Variants in LARGE1 observed in about 807,000 individuals in gnomAD.
LARGE1 encodes the protein LARGE xylosyl- and glucuronyltransferase 1, also known as xylosyl- and glucuronyltransferase LARGE1.
A neutral mutation model predicts 87.6 loss-of-function variants in LARGE1; 43 were observed. That is an observed-to-expected ratio of 0.49 (90% confidence interval 0.38 to 0.63). The LOEUF (loss-of-function observed/expected upper bound fraction) is 0.63, where lower values mean the gene tolerates loss of function less well. Among genes scored for constraint, LARGE1 ranks in the 30% least tolerant of loss-of-function variants. LARGE1 has a pLI of 0.00. For missense variants in LARGE1, 802 were observed against 1,000.2 expected (o/e 0.80, Z 2.67); for synonymous variants, 434 against 394.6 (o/e 1.10, Z -1.18).
chr22:33,566,572 T>A (rs781358092), intron 5 of LARGE1, among the ~76,000 whole-genome samples: 2 of 151,902 alleles, frequency 1.3e-5, no homozygotes, highest in Non-Finnish European at 2.9e-5. Context: ...ACCCAAAGAG[T>A]GAGCAGCAGC....
intron 6 of LARGE1, among the ~76,000 whole-genome samples, chr22:33,467,883 A>T (rs2068680123): frequency 6.6e-6 from 1 of 152,222 alleles, no homozygotes; most frequent in South Asian, 2.1e-4. Context: ...GGAAATTGGC[A>T]GAGCTCAGTC....
chr22:33,337,298 A>G (rs375993818), intron 10 of LARGE1, among the ~76,000 whole-genome samples: 2 of 152,164 alleles, frequency 1.3e-5, no homozygotes, highest in East Asian at 3.9e-4. Context: ...AGGGTCTCCC[A>G]TGTGGGTATC....
intron 6 of LARGE1, among the ~76,000 whole-genome samples, chr22:33,441,562 T>G (rs1646920167): frequency 6.6e-6 from 1 of 152,160 alleles, no homozygotes; most frequent in Non-Finnish European, 1.5e-5. Flanking sequence ...CAAGCTATCC[T>G]CCTGCCCCAG....
At chr22:33,514,251 GCTTT>G (rs946184683) in intron 6 of LARGE1, among the ~76,000 whole-genome samples, 13 of 149,548 alleles carry the variant, frequency 8.7e-5, no homozygotes, top group African/African-American at 3.0e-4. Flanking sequence ...ATCTCACATA[GCTTT>G]CTTTCAGTCG....
At chr22:33,423,390 A>G (rs2066763355) in intron 7 of LARGE1, among the ~76,000 whole-genome samples, 1 of 152,070 alleles carries the variant, frequency 6.6e-6, no homozygotes, top group Admixed American at 6.5e-5. Context: ...AAAAATTATA[A>G]TTATGGCTGG....
intron 9 of LARGE1, among the ~76,000 whole-genome samples, chr22:33,357,986 T>A (rs940316294): frequency 2.0e-5 from 3 of 151,720 alleles, no homozygotes; most frequent in African/African-American, 7.3e-5. Context: ...GTTAAAGAAC[T>A]CAGTGACAGC....
intron 9 of LARGE1, among the ~76,000 whole-genome samples, chr22:33,356,601 T>C (rs992904860): frequency 6.6e-6 from 1 of 152,002 alleles, no homozygotes. Flanking sequence ...GTAAGACCCA[T>C]CTCTACTAAA....
At chr22:33,455,669 G>T (rs944468311) in intron 6 of LARGE1, among the ~76,000 whole-genome samples, 5 of 148,008 alleles carry the variant, frequency 3.4e-5, no homozygotes, top group Non-Finnish European at 7.4e-5. Flanking sequence ...CAGGAGAATC[G>T]CTTGAACCCA....
At chr22:33,665,748 C>T (rs565646268) in intron 2 of LARGE1, among the ~76,000 whole-genome samples, 3 of 152,032 alleles carry the variant, frequency 2.0e-5, no homozygotes, top group South Asian at 4.2e-4. Context: ...AAAACTTAGC[C>T]GGGCATGGTG....
the LARGE1 span, among the ~76,000 whole-genome samples, chr22:33,136,890 G>A: frequency 6.6e-6 from 1 of 151,582 alleles, no homozygotes; most frequent in Non-Finnish European, 1.5e-5. Flanking sequence ...CTCTGTTAGG[G>A]GAGGAGAAAA....
chr22:33,512,361 T>C (rs541521844), intron 6 of LARGE1, among the ~76,000 whole-genome samples: 6 of 152,316 alleles, frequency 3.9e-5, no homozygotes, highest in African/African-American at 1.4e-4. Flanking sequence ...GATTTATCAC[T>C]AGATGGAACA....
intron 6 of LARGE1, among the ~76,000 whole-genome samples, chr22:33,546,588 T>C (rs4821162): frequency 0.3 from 45,160 of 152,018 alleles, 8,308 homozygotes; most frequent in Non-Finnish European, 0.39. Context: ...TTTTTTTAAA[T>C]TTTTTATTTT....
chr22:33,719,091 A>AACAAAAAAGTTGTTGT (rs1214210625), intron 2 of LARGE1, among the ~76,000 whole-genome samples: 1 of 152,218 alleles, frequency 6.6e-6, no homozygotes, highest in African/African-American at 2.4e-5. Context: ...ACCCGGCTGT[A>AACAAAAAAGTTGTTGT]TCTTTGTTTT....
At chr22:33,623,902 C>T (rs1018249531) in intron 4 of LARGE1, among the ~76,000 whole-genome samples, 7 of 151,852 alleles carry the variant, frequency 4.6e-5, no homozygotes, top group Admixed American at 2.6e-4. Flanking sequence ...TGGTGGCAGG[C>T]GCCTGTAATC....
intron 13 of LARGE1, among the ~76,000 whole-genome samples, chr22:33,282,639 C>T (rs1262113828): frequency 6.6e-6 from 1 of 152,148 alleles, no homozygotes; most frequent in African/African-American, 2.4e-5. Flanking sequence ...GTTCTGTTTG[C>T]GACTGTCACT....
At chr22:33,233,420 T>G (rs1326562286) in intron 11 of LARGE1, among the ~76,000 whole-genome samples, 1 of 152,120 alleles carries the variant, frequency 6.6e-6, no homozygotes, top group East Asian at 1.9e-4. Context: ...TGTCTACAGG[T>G]GTCATATGTT....
chr22:33,585,803 G>A (rs1400706988), intron 5 of LARGE1, among the ~76,000 whole-genome samples: 1 of 152,230 alleles, frequency 6.6e-6, no homozygotes, highest in Non-Finnish European at 1.5e-5. Context: ...ACAAAGGGAT[G>A]TAAAGTGAGT....
chr22:33,435,685 C>T (rs2067244672), intron 6 of LARGE1, among the ~76,000 whole-genome samples: 3 of 152,138 alleles, frequency 2.0e-5, no homozygotes. Context: ...TCAAGGTCTT[C>T]ATCTCCAGAG....
intron 6 of LARGE1, among the ~76,000 whole-genome samples, chr22:33,505,250 G>A (rs149010094): frequency 1.1e-3 from 170 of 152,356 alleles, no homozygotes; most frequent in African/African-American, 3.9e-3. Flanking sequence ...AGAGCGGCCT[G>A]CTAGAGCAGA....
Sources: gnomAD v4.1 joint callset for allele counts (sites outside exome capture counted in the v4.1 genomes callset) on GRCh38, gnomAD v4.1.1 for gene constraint, MANE v1.5 for transcripts, NCBI Gene and HGNC (gene_info 2026-07-23, HGNC 2026-07-21) for gene names.